MRTFB: variants seen among roughly 807,000 people sequenced by gnomAD.
MRTFB encodes myocardin related transcription factor B, also known as myocardin-related transcription factor B.
MRTFB carries 29 observed loss-of-function variants against 104.2 expected under a neutral mutation model. The observed-to-expected ratio is 0.28, with a 90% CI of 0.21 to 0.38. MRTFB has a LOEUF of 0.38. Ranked by LOEUF, MRTFB falls within the 10% of genes least tolerant of loss-of-function variation. The pLI is 1.00. For missense variants in MRTFB, 1,270 were observed against 1,341.6 expected (o/e 0.95, Z 0.83); for synonymous variants, 535 against 519.5 (o/e 1.03, Z -0.41).
rs1170261288 is a variant in MRTFB at position 14,249,017 on chromosome 16, C to G, written c.2339C>G (p.Thr780Ser). ...TAALASGLAP[T>S]VPQTQDTFPQ... Reference sequence around the variant, plus strand: ...GCCTTGGCCTCAGGCTTGGCCCCAACTGTACCTCAGACACAAGACACGTTC... The same window carrying G: ...GCCTTGGCCTCAGGCTTGGCCCCAAGTGTACCTCAGACACAAGACACGTTC... The change falls in exon 13 of 17, where the codon ACT becomes AGT. Residue 780 changes from threonine (T) to serine (S), a missense_variant. Transcript: ENST00000571589. 1.2e-6 allele frequency: 2 copies of G among 1,614,208 alleles called. No homozygotes were observed. Among genetic ancestry groups the G allele is most frequent in the South Asian group, 1.1e-5 (1 of 91,078 alleles).
intron 3 of MRTFB, among the ~76,000 whole-genome samples, chr16:14,155,566 A>G (rs983123742): frequency 1.3e-5 from 2 of 152,150 alleles, no homozygotes; most frequent in African/African-American, 4.8e-5. Context: ...TCAGTTAAAG[A>G]AAGTTGGGCT....
chr16:14,084,501 C>T (rs928115331), intron 2 of MRTFB, among the ~76,000 whole-genome samples: 1 of 152,128 alleles, frequency 6.6e-6, no homozygotes, highest in African/African-American at 2.4e-5. Flanking sequence ...GATCATGCCA[C>T]TGCACTCCAG....
chr16:14,143,458 A>C (rs1045014070), intron 3 of MRTFB: 2 of 152,114 alleles, frequency 1.3e-5, no homozygotes, highest in East Asian at 3.9e-4. Flanking sequence ...TTTAGACACA[A>C]ATAATCTTCC....
the MRTFB span, among the ~76,000 whole-genome samples, chr16:14,061,842 T>C: frequency 6.1e-4 from 93 of 152,276 alleles, no homozygotes; most frequent in African/African-American, 1.7e-3. Context: ...GAATAGATTT[T>C]AAAATTGCAC....
At chr16:14,036,758 T>C in the MRTFB span, among the ~76,000 whole-genome samples, 66 of 152,054 alleles carry the variant, frequency 4.3e-4, no homozygotes, top group Admixed American at 2.2e-3. Flanking sequence ...TGGGGTAGGA[T>C]CTCAGCTCCA....
intron 3 of MRTFB, among the ~76,000 whole-genome samples, chr16:14,195,325 C>G (rs2040385200): frequency 6.6e-6 from 1 of 152,280 alleles, no homozygotes; most frequent in East Asian, 1.9e-4. Context: ...GGTCCATCAT[C>G]GTCTGGATCA....
At chr16:14,224,009 G>A (rs542094201) in intron 8 of MRTFB, among the ~76,000 whole-genome samples, 1 of 152,308 alleles carries the variant, frequency 6.6e-6, no homozygotes, top group South Asian at 2.1e-4. Flanking sequence ...CAGGAGGCAT[G>A]GCTGGGGAGG....
the MRTFB span, among the ~76,000 whole-genome samples, chr16:14,018,593 T>C: frequency 6.6e-6 from 1 of 152,198 alleles, no homozygotes; most frequent in African/African-American, 2.4e-5. Context: ...TGGCTTCTCT[T>C]GGGACATCAG....
chr16:14,241,050 A>C, intron 10 of MRTFB: 1 of 476,970 alleles, frequency 2.1e-6, no homozygotes, highest in Non-Finnish European at 3.7e-6. Flanking sequence ...AAAAAGTGGA[A>C]GACAAAAATC....
chr16:14,260,879 G>A, intron 16 of MRTFB, 30 bp from the exon 17 acceptor site: 1 of 1,545,678 alleles, frequency 6.5e-7, no homozygotes, highest in Non-Finnish European at 8.7e-7. Flanking sequence ...TAAATCTTCA[G>A]TTACTAATTA....
chr16:14,117,702 C>T (rs1445720094), intron 2 of MRTFB, among the ~76,000 whole-genome samples: 2 of 152,014 alleles, frequency 1.3e-5, no homozygotes, highest in Non-Finnish European at 2.9e-5. Flanking sequence ...GTGCTCAGTT[C>T]TGTACCAAAG....
At chr16:14,048,952 C>T in the MRTFB span, among the ~76,000 whole-genome samples, 3 of 152,192 alleles carry the variant, frequency 2.0e-5, no homozygotes, top group Admixed American at 6.5e-5. Context: ...TTCCCAAGCT[C>T]CTGTCAATTA....
intron 3 of MRTFB, among the ~76,000 whole-genome samples, chr16:14,194,670 A>C (rs2040344632): frequency 6.6e-6 from 1 of 151,264 alleles, no homozygotes; most frequent in African/African-American, 2.4e-5. Context: ...ACTTCATAGC[A>C]TATTAGGAAG....
chr16:14,030,145 A>G, the MRTFB span, among the ~76,000 whole-genome samples: 1 of 152,094 alleles, frequency 6.6e-6, no homozygotes, highest in Admixed American at 6.5e-5. Context: ...CCTCTGGCTC[A>G]GTTTTCTGGG....
At chr16:14,231,821 G>A (rs553315038) in intron 8 of MRTFB, among the ~76,000 whole-genome samples, 1 of 152,278 alleles carries the variant, frequency 6.6e-6, no homozygotes, top group Admixed American at 6.5e-5. Flanking sequence ...CGGGAACGGA[G>A]GGGCTTTTGT....
chr16:14,162,293 C>G (rs2039071583), intron 3 of MRTFB, among the ~76,000 whole-genome samples: 1 of 152,046 alleles, frequency 6.6e-6, no homozygotes, highest in Admixed American at 6.5e-5. Context: ...ATCATCACAT[C>G]ACTGTTCTCC....
chr16:14,133,493 G>C (rs777372318), intron 2 of MRTFB, among the ~76,000 whole-genome samples: 1 of 152,034 alleles, frequency 6.6e-6, no homozygotes, highest in Non-Finnish European at 1.5e-5. Flanking sequence ...TATTTTAAAC[G>C]TAAATTTAAA....
chr16:14,012,958 C>T, the MRTFB span: 2 of 152,162 alleles, frequency 1.3e-5, no homozygotes, highest in Non-Finnish European at 2.9e-5. Flanking sequence ...GTTATCCTCC[C>T]CCAGTCTTCC....
chr16:14,148,191 T>C (rs1296600342), intron 3 of MRTFB, among the ~76,000 whole-genome samples: 1 of 152,232 alleles, frequency 6.6e-6, no homozygotes, highest in Non-Finnish European at 1.5e-5. Flanking sequence ...GACTCAGCTA[T>C]AACCTCCTAG....
Sources: allele counts gnomAD v4.1 joint callset (sites outside exome capture counted in the v4.1 genomes callset), GRCh38; gene constraint gnomAD v4.1.1; transcripts MANE v1.5; gene names NCBI Gene and HGNC (gene_info 2026-07-23, HGNC 2026-07-21).